SPATA1: variants seen among roughly 807,000 people sequenced by gnomAD.
The protein encoded by SPATA1 is spermatogenesis associated 1, also known as spermatogenesis-associated protein 1.
SPATA1 carries 57 observed loss-of-function variants against 59.6 expected under a neutral mutation model. The observed-to-expected ratio is 0.96, with a 90% CI of 0.77 to 1.19. The LOEUF (loss-of-function observed/expected upper bound fraction) is 1.19. Among genes scored for constraint, SPATA1 ranks in the 50% most tolerant of loss-of-function variants. SPATA1 has a pLI of 0.00. For synonymous variants in SPATA1, 147 were observed against 163.9 expected, an observed-to-expected ratio of 0.90 and a Z score of 0.79; for missense variants, 448 against 480.7, an observed-to-expected ratio of 0.93 and a Z score of 0.64.
chr1:84,524,676 C>A (rs554899939), intron 4 of SPATA1, among the ~76,000 whole-genome samples: 40 of 152,246 alleles, frequency 2.6e-4, no homozygotes, highest in Non-Finnish European at 3.8e-4. Context: ...AATCACTTCT[C>A]CCTGATTTTC....
intron 6 of SPATA1, among the ~76,000 whole-genome samples, chr1:84,528,573 T>C (rs969222184): frequency 6.6e-6 from 1 of 152,238 alleles, no homozygotes; most frequent in African/African-American, 2.4e-5. Context: ...TTCCATTTTA[T>C]ACTCACACAA....
chr1:84,550,554 GATT>G (rs1395725998), intron 12 of SPATA1, 24 bp downstream of exon 12: 2 of 1,485,302 alleles, frequency 1.3e-6, no homozygotes, highest in East Asian at 2.6e-5. Flanking sequence ...TTCCTAATCA[GATT>G]ATTATAACAT....
At chr1:84,537,769 T>C (rs1683756363) in intron 8 of SPATA1, among the ~76,000 whole-genome samples, 1 of 152,166 alleles carries the variant, frequency 6.6e-6, no homozygotes, top group South Asian at 2.1e-4. Flanking sequence ...GTTCCACCAA[T>C]AGGGTGGAGG....
chr1:84,519,282 G>A (rs1406863093), intron 2 of SPATA1, among the ~76,000 whole-genome samples: 1 of 151,984 alleles, frequency 6.6e-6, no homozygotes, highest in Non-Finnish European at 1.5e-5. Flanking sequence ...TGTTATTGAT[G>A]AGTAGCTTCC....
intron 4 of SPATA1, among the ~76,000 whole-genome samples, chr1:84,562,789 T>G (rs986988969): frequency 2.0e-5 from 3 of 152,190 alleles, no homozygotes; most frequent in Admixed American, 2.0e-4. Context: ...TAAAATAAAT[T>G]GAAAATGATA....
exon 7 of SPATA1, chr1:84,532,959 T>C (rs1263439232): frequency 6.4e-7 from 1 of 1,550,842 alleles, no homozygotes; most frequent in South Asian, 1.2e-5. Flanking sequence ...AATGATTGCT[T>C]TGGCACTAAA....
intron 6 of SPATA1, 23 bp from the exon 7 acceptor site, chr1:84,532,837 C>T (rs1167970617): frequency 1.5e-5 from 21 of 1,440,786 alleles, no homozygotes; most frequent in Non-Finnish European, 1.7e-5. Context: ...ACTTTATTTG[C>T]TGTGGATGAC....
intron 8 of SPATA1, among the ~76,000 whole-genome samples, chr1:84,534,720 A>G (rs1252290535): frequency 2.0e-5 from 3 of 152,148 alleles, no homozygotes; most frequent in Non-Finnish European, 4.4e-5. Context: ...TAATTCAACA[A>G]CTATTTGTGG....
At chr1:84,544,511 T>C (rs944631610) in intron 9 of SPATA1, among the ~76,000 whole-genome samples, 1 of 152,120 alleles carries the variant, frequency 6.6e-6, no homozygotes, top group African/African-American at 2.4e-5. Context: ...GTACAGTTTG[T>C]TATGTAATAT....
chr1:84,541,400 T>C (rs982342482), intron 8 of SPATA1, among the ~76,000 whole-genome samples: 15 of 152,172 alleles, frequency 9.9e-5, no homozygotes, highest in Admixed American at 2.6e-4. Context: ...TTCTGATCCA[T>C]TTTACTCTTT....
exon 11 of SPATA1, chr1:84,548,950 A>G (rs2102006167): frequency 6.3e-7 from 1 of 1,584,420 alleles, no homozygotes; most frequent in East Asian, 2.3e-5. Context: ...TCTGGCAAAC[A>G]TCACAGACTC....
chr1:84,544,023 A>G (rs563919475), intron 8 of SPATA1, among the ~76,000 whole-genome samples, 179 bp from the exon 9 acceptor site: 1 of 152,336 alleles, frequency 6.6e-6, no homozygotes, highest in African/African-American at 2.4e-5. Flanking sequence ...TGTCCAAGTA[A>G]TAGAATACAG....
At chr1:84,563,304 C>A in intron 4 of SPATA1, 1 of 1,590,576 alleles carries the variant, frequency 6.3e-7, no homozygotes, top group South Asian at 1.1e-5. Flanking sequence ...CATAGGTTTC[C>A]AGAAATAGAA....
chr1:84,512,680 G>C (rs918914601), intron 1 of SPATA1, among the ~76,000 whole-genome samples: 2 of 152,206 alleles, frequency 1.3e-5, no homozygotes, highest in African/African-American at 4.8e-5. Flanking sequence ...GACCAGATCA[G>C]AGATGGCAGA....
intron 9 of SPATA1, among the ~76,000 whole-genome samples, chr1:84,545,071 A>T (rs1451821465): frequency 6.6e-6 from 1 of 150,578 alleles, no homozygotes; most frequent in Non-Finnish European, 1.5e-5. Flanking sequence ...ATACAAAAAA[A>T]TTAGGCGTGG....
intron 1 of SPATA1, among the ~76,000 whole-genome samples, chr1:84,514,878 G>C (rs1682727111): frequency 6.6e-6 from 1 of 152,096 alleles, no homozygotes; most frequent in African/African-American, 2.4e-5. Context: ...GGCTGAGGCA[G>C]GAGAATCGCT....
At chr1:84,550,409 T>C (rs757146444) in intron 11 of SPATA1, 23 bp from the exon 12 acceptor site, 6 of 1,273,710 alleles carry the variant, frequency 4.7e-6, no homozygotes, top group Non-Finnish European at 6.4e-6. Flanking sequence ...TTATACTAAA[T>C]AAATATCTAT....
At chr1:84,550,743 A>G (rs753835074) in intron 12 of SPATA1, 10 of 1,093,166 alleles carry the variant, frequency 9.1e-6, no homozygotes, top group Non-Finnish European at 1.1e-5. Flanking sequence ...AAGCCAAAGT[A>G]AAATTTAGTA....
intron 10 of SPATA1, among the ~76,000 whole-genome samples, chr1:84,546,413 G>A (rs1684085208): frequency 7.1e-6 from 1 of 139,918 alleles, no homozygotes. Context: ...AGCTGAGATT[G>A]TGCCACTGCA....
Sources: gnomAD v4.1 joint callset for allele counts (sites outside exome capture counted in the v4.1 genomes callset) on GRCh38, gnomAD v4.1.1 for gene constraint, MANE v1.5 for transcripts, NCBI Gene and HGNC (gene_info 2026-07-23, HGNC 2026-07-21) for gene names.